The following MAGI1 variants were observed in gnomAD, a reference collection of about 807,000 sequenced individuals.
MAGI1 encodes membrane associated guanylate kinase, WW and PDZ domain containing 1.
Under a neutral mutation model 139.9 loss-of-function variants are expected in MAGI1, and 58 were observed. The observed-to-expected ratio is 0.41, with a 90% CI of 0.34 to 0.52. The LOEUF is 0.52. Among genes scored for constraint, MAGI1 ranks in the 20% least tolerant of loss-of-function variants. MAGI1 has a pLI of 0.12. For synonymous variants in MAGI1, 812 were observed against 737.9 expected, an observed-to-expected ratio of 1.10 and a Z score of -1.63; for missense variants, 1,874 against 1,901.6, an observed-to-expected ratio of 0.99 and a Z score of 0.27.
intron 1 of MAGI1, among the ~76,000 whole-genome samples, chr3:65,819,471 G>A (rs1318014140): frequency 6.6e-6 from 1 of 152,048 alleles, no homozygotes; most frequent in Non-Finnish European, 1.5e-5. Context: ...GTGAATAACA[G>A]CAGGACAGTT....
intron 13 of MAGI1, among the ~76,000 whole-genome samples, chr3:65,396,881 C>T (rs938764250): frequency 6.6e-6 from 1 of 152,128 alleles, no homozygotes; most frequent in Non-Finnish European, 1.5e-5. Flanking sequence ...CTAAGTCAAA[C>T]GATTTCTTCC....
chr3:65,885,157 G>C (rs1327975417), intron 1 of MAGI1, among the ~76,000 whole-genome samples: 1 of 152,144 alleles, frequency 6.6e-6, no homozygotes, highest in Non-Finnish European at 1.5e-5. Context: ...CCAACAATTT[G>C]GGAGGCCGAG....
chr3:65,639,966 G>T (rs2084893880), intron 1 of MAGI1, among the ~76,000 whole-genome samples: 1 of 148,122 alleles, frequency 6.8e-6, no homozygotes, highest in Non-Finnish European at 1.5e-5. Context: ...CGTAGCCTGG[G>T]CAACAAGCGC....
At chr3:65,763,634 C>T (rs972287802) in intron 1 of MAGI1, among the ~76,000 whole-genome samples, 2 of 151,876 alleles carry the variant, frequency 1.3e-5, no homozygotes, top group Admixed American at 6.6e-5. Context: ...TGGATTCCAA[C>T]CCAGACTGTC....
chr3:65,713,901 A>C (rs2031852472), intron 1 of MAGI1, among the ~76,000 whole-genome samples: 1 of 152,192 alleles, frequency 6.6e-6, no homozygotes, highest in African/African-American at 2.4e-5. Flanking sequence ...AAGAGCTTTC[A>C]CTCCAATGCT....
intron 1 of MAGI1, among the ~76,000 whole-genome samples, chr3:65,870,100 G>A (rs186990946): frequency 8.4e-4 from 128 of 152,244 alleles, no homozygotes; most frequent in Middle Eastern, 3.4e-3. Context: ...TGTTCTACAC[G>A]GATGCTGAGC....
intron 22 of MAGI1, 113 bp downstream of exon 22, chr3:65,361,086 G>A: frequency 1.2e-6 from 2 of 1,600,008 alleles, no homozygotes; most frequent in Middle Eastern, 1.7e-4. Context: ...GCGAGAGGCT[G>A]GTAAGACACT....
intron 1 of MAGI1, among the ~76,000 whole-genome samples, chr3:65,791,038 G>A (rs1157558314): frequency 6.6e-5 from 10 of 152,040 alleles, no homozygotes; most frequent in Non-Finnish European, 1.5e-5. Context: ...TCGCATCACT[G>A]CACTCCAGCC....
At chr3:65,400,750 ATTTTTTTTTT>A (rs767598706) in intron 13 of MAGI1, among the ~76,000 whole-genome samples, 243 of 60,592 alleles carry the variant, frequency 4.0e-3, no homozygotes, top group African/African-American at 6.6e-3. Context: ...CAAAACATTG[ATTTTTTTTTT>A]TTTTTTTTTT....
intron 2 of MAGI1, among the ~76,000 whole-genome samples, chr3:65,583,655 C>T (rs1392155592): frequency 6.6e-6 from 1 of 152,060 alleles, no homozygotes; most frequent in Non-Finnish European, 1.5e-5. Context: ...CAAGTACAAT[C>T]ACCTTCTCAC....
intron 1 of MAGI1, among the ~76,000 whole-genome samples, chr3:65,819,948 G>C (rs750734649): frequency 1.5e-4 from 20 of 137,114 alleles, no homozygotes; most frequent in Non-Finnish European, 2.8e-4. Flanking sequence ...TATCAATTCA[G>C]AAATTGCTAA....
chr3:65,636,136 G>T (rs1050248197), intron 1 of MAGI1, among the ~76,000 whole-genome samples: 2 of 152,126 alleles, frequency 1.3e-5, no homozygotes, highest in Non-Finnish European at 2.9e-5. Context: ...AGAGGGATAC[G>T]GGAGGAGAGG....
At position 65,874,223 on chromosome 3, in the gene MAGI1, T is replaced by C. The variant is rs551985565; in HGVS notation, c.313+163773A>G. ...ATCATTTGGACCCAGGAGGTGGTGG[T>C]TGTAGTGAGCCGAAATCTCACCACT... On this transcript the variant is annotated intron_variant, in intron 1 of 22. Coordinates refer to ENST00000402939, the MANE Select transcript of MAGI1 (RefSeq NM_001033057.2). 2.6e-5 allele frequency: 4 copies of C among 152,216 alleles called. No homozygotes were observed. The East Asian group carries it at 7.7e-4, about 29-fold the overall frequency. 9.4% of individuals were successfully genotyped at this position (152,216 alleles called of 1,614,324 possible).
intron 1 of MAGI1, among the ~76,000 whole-genome samples, chr3:65,742,170 T>G (rs1000352189): frequency 2.0e-5 from 3 of 152,184 alleles, no homozygotes; most frequent in African/African-American, 7.2e-5. Flanking sequence ...CTTCAAAGTT[T>G]CCTGTTGTTG....
chr3:65,825,267 C>A (rs553018156), intron 1 of MAGI1, among the ~76,000 whole-genome samples: 6 of 152,222 alleles, frequency 3.9e-5, no homozygotes, highest in African/African-American at 9.7e-5. Flanking sequence ...GGACTCTTCT[C>A]ATCTTTAGAA....
At chr3:65,930,315 C>CAAAAAAAAAAAAAAAAAAAAA (rs58258730) in intron 1 of MAGI1, among the ~76,000 whole-genome samples, 2 of 87,630 alleles carry the variant, frequency 2.3e-5, no homozygotes, top group African/African-American at 4.2e-5. Flanking sequence ...GACTCCGTCT[C>CAAAAAAAAAAAAAAAAAAAAA]AAAAAAAAAA....
intron 2 of MAGI1, among the ~76,000 whole-genome samples, chr3:65,497,748 G>T (rs1302600046): frequency 6.6e-6 from 1 of 151,944 alleles, no homozygotes; most frequent in Non-Finnish European, 1.5e-5. Flanking sequence ...ATCACCCTGG[G>T]GTCTTAATTT....
In MAGI1 at chr3:65,642,442, A is replaced by G. The variant is rs187959413; in HGVS notation, c.314-20354T>C. Among the ~76,000 whole-genome samples, 555 of 152,314 alleles carry G rather than the reference A, an allele frequency of 3.6e-3. 6 individuals carry two copies. Among genetic ancestry groups the G allele is most frequent in the African/African-American group, 0.013 (534 of 41,582 alleles). On this transcript the variant is annotated intron_variant, in intron 1 of 22. Coordinates refer to ENST00000402939, the MANE Select transcript of MAGI1 (RefSeq NM_001033057.2). ...AAGCCTTTGAGAATTTTACATCAGCAAACCAAAAATACTTAAGGCTAGCAG... is the reference window on the plus strand; with the variant it reads ...AAGCCTTTGAGAATTTTACATCAGCGAACCAAAAATACTTAAGGCTAGCAG...
chr3:65,401,338 C>T lies in MAGI1; in HGVS notation c.2199+101G>A, dbSNP rs527555276. 176 of 1,434,226 alleles carry T rather than the reference C, an allele frequency of 1.2e-4. 1 individual carries two copies. The East Asian group carries it at 3.4e-3, about 27-fold the overall frequency. 88.8% of individuals were successfully genotyped at this position (1,434,226 alleles called of 1,614,324 possible). A position where few individuals can be genotyped will look rare whatever the true frequency, so the allele number is the denominator to read the frequency against. ...CCTGTCTCCCCCATCCACTGTAAAA[C>T]ACATTTAGTGAAGTGAAGCCACACA... On this transcript the variant is annotated intron_variant, in intron 13 of 22. Transcript: ENST00000402939.
Sources: allele counts gnomAD v4.1 joint callset (sites outside exome capture counted in the v4.1 genomes callset), GRCh38; gene constraint gnomAD v4.1.1; transcripts MANE v1.5; gene names NCBI Gene and HGNC (gene_info 2026-07-23, HGNC 2026-07-21).